Variants in TRPV6 observed in about 807,000 individuals in gnomAD.
The protein encoded by TRPV6 is Alu-binding protein with zinc finger domain.
Under a neutral mutation model 79.0 loss-of-function variants are expected in TRPV6, and 39 were observed. The observed-to-expected ratio is 0.49, with a 90% CI of 0.38 to 0.64. TRPV6 has a LOEUF of 0.64. Among genes scored for constraint, TRPV6 ranks in the 30% least tolerant of loss-of-function variants. The pLI, the probability that TRPV6 is intolerant of heterozygous loss-of-function variation, is 0.00. For missense variants in TRPV6, 813 were observed against 1,011.1 expected (o/e 0.80, Z 2.66); for synonymous variants, 373 against 391.9 (o/e 0.95, Z 0.57).
Position 142,885,381 on chromosome 7 carries a change from G to T in TRPV6, c.248+8C>A. 1 of 1,609,982 alleles carries T rather than the reference G, an allele frequency of 6.2e-7. No individual in the cohort carries two copies. Among genetic ancestry groups the T allele is most frequent in the Non-Finnish European group, 8.5e-7 (1 of 1,177,684 alleles). On this transcript the variant is annotated splice_region_variant and intron_variant, in intron 1 of 14. Coordinates refer to ENST00000359396, the MANE Select transcript of TRPV6 (RefSeq NM_018646.6). ...GGTGGGGAAGGGAGCAGACCAAGGG[G>T]GCCTTACCTCTTCTGCTGCAGCAGG...
intron 1 of TRPV6, chr7:142,883,235 G>A (rs1795229361): frequency 6.6e-6 from 1 of 152,244 alleles, no homozygotes; most frequent in African/African-American, 2.4e-5. Context: ...GGAGAAAGTT[G>A]AGAGCTCGAC....
At position 142,877,248 on chromosome 7, in the gene TRPV6, G is replaced by T; in HGVS notation, c.501C>A (p.Asn167Lys). The T allele has an allele frequency of 6.2e-7, 1 of 1,614,240 alleles. No individual in the cohort carries two copies. Among genetic ancestry groups the T allele is most frequent in the South Asian group, 1.1e-5 (1 of 91,084 alleles). The change falls in exon 4 of 15, where the codon AAC (asparagine) becomes AAA (lysine). Residue 167 changes from asparagine to lysine, a missense_variant. Physicochemically the swap from Asn to Lys is moderately conservative, Grantham distance 94. Around this residue, in one of 3 missense-constraint regions of TRPV6, gnomAD observed 555 missense variants for 631.0 expected, o/e 0.88. Transcript: ENST00000359396. ...GGGCTCGCACCAGGTTCATGTTCTGGTTCACAACAGCGATGTGCAGTGCAG... is the reference window on the plus strand; with the variant it reads ...GGGCTCGCACCAGGTTCATGTTCTGTTTCACAACAGCGATGTGCAGTGCAG...
At chr7:142,881,712 A>G (rs535236131) in intron 1 of TRPV6, 1 of 152,322 alleles carries the variant, frequency 6.6e-6, no homozygotes, top group South Asian at 2.1e-4. Context: ...CTGGCACAAA[A>G]TCTAGCACAT....
At position 142,873,920 on chromosome 7, in the gene TRPV6, T is replaced by G. The variant is rs1156915563; in HGVS notation, c.1639+156A>C. On this transcript the variant is annotated intron_variant, in intron 12 of 14. Transcript: ENST00000359396. This position sits in a 1 kb window ranked among gnomAD's most constrained non-coding sequence, Gnocchi z 4.8. ...AGCCACCTCTCCCTAACACTCCCGATTTTTCTCACCTCTGGAGGACGTCCC... is the reference window on the plus strand; with the variant it reads ...AGCCACCTCTCCCTAACACTCCCGAGTTTTCTCACCTCTGGAGGACGTCCC... 9.2e-7 allele frequency: 1 copy of G among 1,088,452 alleles called. No individual in the cohort carries two copies. The highest frequency in any genetic ancestry group is 2.6e-5 in the East Asian group (1 of 38,502). 67.4% of individuals were successfully genotyped at this position (1,088,452 alleles called of 1,614,324 possible). A position where few individuals can be genotyped will look rare whatever the true frequency, so the allele number is the denominator to read the frequency against.
Position 142,872,484 on chromosome 7 carries a change from T to A in TRPV6, c.1909-6A>T. The A allele has an allele frequency of 2.5e-6, 4 of 1,610,898 alleles. No individual in the cohort carries two copies. Among genetic ancestry groups the A allele is most frequent in the Non-Finnish European group, 3.4e-6 (4 of 1,178,544 alleles). ...ATCACTGTGGTGGCCACAATCTGCG[T>A]ATGGGAACAAAAGGAGAAGTCAGAG... is the stretch of plus-strand genomic sequence containing the variant. On this transcript the variant is annotated splice_polypyrimidine_tract_variant and splice_region_variant and intron_variant, in intron 13 of 14. Transcript: ENST00000359396.
rs751809881 is a variant in TRPV6 at position 142,873,604 on chromosome 7, T to C, written c.1752A>G (p.Pro584=). 9.9e-6 allele frequency: 16 copies of C among 1,614,078 alleles called. No individual in the cohort carries two copies. The African/African-American group carries it at 1.6e-4, about 16-fold the overall frequency. Residue 584 remains proline, a synonymous_variant, in exon 13 of 15, where the codon CCA becomes CCG. Coordinates refer to ENST00000359396, the MANE Select transcript of TRPV6 (RefSeq NM_018646.6). This position sits in a 1 kb window ranked among gnomAD's most constrained non-coding sequence, Gnocchi z 4.8. Reference sequence around the variant, plus strand: ...AGGGCAGGTCCACGTTGTAGTTGGCTGGGCCATCGATGATGGTAAGGAACA... The same window carrying C: ...AGGGCAGGTCCACGTTGTAGTTGGCCGGGCCATCGATGATGGTAAGGAACA...
rs368107777 is a variant in TRPV6 at position 142,874,478 on chromosome 7, G to C, written c.1572+13C>G. The C allele has an allele frequency of 6.2e-7, 1 of 1,613,798 alleles. No individual in the cohort carries two copies. Among genetic ancestry groups the C allele is most frequent in the African/African-American group, 1.3e-5 (1 of 74,916 alleles). ...TGGGGCCTTTCTCTAGGGAGCTTGG[G>C]GGGAGGACTGACCTTCTGAATCATG... On this transcript the variant is annotated intron_variant, in intron 11 of 14. Transcript: ENST00000359396.
chr7:142,885,503 A>C lies in TRPV6; in HGVS notation c.134T>G (p.Leu45Arg). 6.2e-7 allele frequency: 1 copy of C among 1,612,764 alleles called. No individual in the cohort carries two copies. The change falls in exon 1 of 15, where the codon CTG becomes CGG. Residue 45 changes from leucine to arginine, a missense_variant. Coordinates refer to ENST00000359396, the MANE Select transcript of TRPV6 (RefSeq NM_018646.6). The stretch of plus-strand genomic sequence containing the variant: ...GAGAATTAGCCCTTTCTCCTTGGGC[A>C]GTGACAAACCCATGGGGTGTAGGGC...
intron 6 of TRPV6, chr7:142,876,138 C>A: frequency 1.5e-6 from 1 of 672,930 alleles, no homozygotes; most frequent in Non-Finnish European, 2.4e-6. Flanking sequence ...GGCTGGAGGG[C>A]CCTGCTCTGG....
At chr7:142,885,233 T>G in intron 1 of TRPV6, 156 bp downstream of exon 1, 1 of 813,076 alleles carries the variant, frequency 1.2e-6, no homozygotes, top group Non-Finnish European at 1.9e-6. Context: ...AGGCTGAGGC[T>G]CTTAAGACAG....
chr7:142,874,859 A>T, intron 10 of TRPV6, 45 bp downstream of exon 10: 1 of 1,609,904 alleles, frequency 6.2e-7, no homozygotes, highest in Non-Finnish European at 8.5e-7. Context: ...GTGGAACTGG[A>T]GCCCTGTTGA....
In TRPV6 at chr7:142,872,473, C is replaced by T; in HGVS notation, c.1914G>A (p.Val638=). The change falls in exon 14 of 15, where the codon GTG becomes GTA. Residue 638 remains valine, a synonymous_variant. Transcript: ENST00000359396. ...TCCGCTCCAGCATCACTGTGGTGGCCACAATCTGCGTATGGGAACAAAAGG... is the reference window on the plus strand; with the variant it reads ...TCCGCTCCAGCATCACTGTGGTGGCTACAATCTGCGTATGGGAACAAAAGG... The T allele has an allele frequency of 1.2e-6, 2 of 1,612,986 alleles. No homozygotes were observed. Among genetic ancestry groups the T allele is most frequent in the Non-Finnish European group, 8.5e-7 (1 of 1,179,506 alleles).
At position 142,876,494 on chromosome 7, in the gene TRPV6, C is replaced by A. The variant is rs1586189511; in HGVS notation, c.796G>T (p.Gly266Trp). 6.2e-7 allele frequency: 1 copy of A among 1,614,148 alleles called. No individual in the cohort carries two copies. The highest frequency in any genetic ancestry group is 8.5e-7 in the Non-Finnish European group (1 of 1,180,012). ...AGGTCCAGGGGCTGCAGGTGGTCCC[C>A]ATGTCTGTCGTAGGACAGCAACAGG... Residue 266 changes from glycine to tryptophan, a missense_variant, in exon 6 of 15, where the codon GGG (glycine) becomes TGG (tryptophan). By Grantham distance (184) the Gly-to-Trp change is radical. Coordinates refer to ENST00000359396, the MANE Select transcript of TRPV6 (RefSeq NM_018646.6).
Position 142,872,926 on chromosome 7 carries a change from T to C in TRPV6, c.1909-448A>G, listed in dbSNP as rs4987674. On this transcript the variant is annotated intron_variant, in intron 13 of 14. Coordinates refer to ENST00000359396, the MANE Select transcript of TRPV6 (RefSeq NM_018646.6). ...AATTTCCATTATTTTGCTGAAATGA[T>C]TTTTTTAGATAAATTATTTTCTAGG... Among the ~76,000 whole-genome samples, 592 of 152,338 alleles carry C rather than the reference T, an allele frequency of 3.9e-3. 8 individuals carry two copies. Among genetic ancestry groups the C allele is most frequent in the African/African-American group, 0.013 (561 of 41,562 alleles).
chr7:142,875,422 G>A lies in TRPV6; in HGVS notation c.1242+46C>T, dbSNP rs765516190. ...AAAGGGACACCAGTCTCTGAGGACA[G>A]AGAGCCAAGTCCTGCCCTGCTGATC... is the stretch of plus-strand genomic sequence containing the variant. On this transcript the variant is annotated intron_variant, in intron 8 of 14. Transcript: ENST00000359396. 3 of 1,519,024 alleles carry A rather than the reference G, an allele frequency of 2.0e-6. No individual in the cohort carries two copies. The South Asian group carries it at 3.9e-5, about 20-fold the overall frequency. 94.1% of individuals were successfully genotyped at this position (1,519,024 alleles called of 1,614,324 possible). A position where few individuals can be genotyped will look rare whatever the true frequency, so the allele number is the denominator to read the frequency against.
chr7:142,880,607 G>A (rs1795172870), intron 1 of TRPV6: 1 of 151,894 alleles, frequency 6.6e-6, no homozygotes, highest in African/African-American at 2.4e-5. Context: ...GTCAGTGGCA[G>A]GCTCAAAGAT....
At position 142,871,399 on chromosome 7, in the gene TRPV6, C is replaced by T. The variant is rs2116501273; in HGVS notation, c.*308G>A. On this transcript the variant is annotated 3_prime_UTR_variant, in exon 15 of 15. Coordinates refer to ENST00000359396, the MANE Select transcript of TRPV6 (RefSeq NM_018646.6). ...CTGGGGTGGAGACCGAGCGCCCAAG[C>T]AGGCTGGCCTGTTTTTAAAGTGCTC... 1 of 449,418 alleles carries T rather than the reference C, an allele frequency of 2.2e-6. No individual in the cohort carries two copies. The allele number at this position is 449,418 out of a possible 1,614,324, so 27.8% of individuals were successfully genotyped here. A position where few individuals can be genotyped will look rare whatever the true frequency, so the allele number is the denominator to read the frequency against.
At chr7:142,874,775 G>T in intron 10 of TRPV6, 119 bp from the exon 11 acceptor site, 2 of 1,550,218 alleles carry the variant, frequency 1.3e-6, no homozygotes, top group Non-Finnish European at 8.9e-7. Flanking sequence ...CACACTCAAT[G>T]CCCAGGGTCA....
chr7:142,875,737 G>A lies in TRPV6; in HGVS notation c.1029+21C>T, dbSNP rs1563355018. 2.5e-6 allele frequency: 4 copies of A among 1,599,748 alleles called. 1 individual carries two copies. The highest frequency in any genetic ancestry group is 2.6e-6 in the Non-Finnish European group (3 of 1,171,908). On this transcript the variant is annotated intron_variant, in intron 7 of 14. Coordinates refer to ENST00000359396, the MANE Select transcript of TRPV6 (RefSeq NM_018646.6). ...ACCCTGACACCCCTCCCCAGCCACA[G>A]CCTGCTGTCATGAGCCATACCTCCC...
Sources: gnomAD v4.1 joint callset for allele counts (sites outside exome capture counted in the v4.1 genomes callset) on GRCh38, gnomAD v4.1.1 for gene constraint, gnomAD v4.1.1 regional missense constraint, Gnocchi (gnomAD v3.1) non-coding constraint, MANE v1.5 for transcripts, NCBI Gene and HGNC (gene_info 2026-07-23, HGNC 2026-07-21) for gene names.